The following ADGRL2 variants were observed in gnomAD, a reference collection of about 807,000 sequenced individuals.
The protein encoded by ADGRL2 is calcium-independent alpha-latrotoxin receptor 2.
A neutral mutation model predicts 157.4 loss-of-function variants in ADGRL2; 44 were observed. That is an observed-to-expected ratio of 0.28 (90% CI 0.22 to 0.36). The LOEUF (loss-of-function observed/expected upper bound fraction) is 0.36. Among genes scored for constraint, ADGRL2 ranks in the 10% least tolerant of loss-of-function variants. The probability of loss-of-function intolerance (pLI) is 1.00; values close to 1 mark genes in which losing one functional copy is unlikely to be tolerated. For synonymous variants in ADGRL2, 585 were observed against 624.7 expected, an observed-to-expected ratio of 0.94 and a Z score of 0.95; for missense variants, 1,510 against 1,768.9, an observed-to-expected ratio of 0.85 and a Z score of 2.63.
At chr1:81,780,185 A>G (rs1181661555) in intron 2 of ADGRL2, among the ~76,000 whole-genome samples, 1 of 152,232 alleles carries the variant, frequency 6.6e-6, no homozygotes, top group African/African-American at 2.4e-5. Flanking sequence ...CAAGGACTAT[A>G]TACCTGCCTT....
chr1:81,879,514 TTA>T (rs1491327350), intron 2 of ADGRL2, among the ~76,000 whole-genome samples: 905 of 41,398 alleles, frequency 0.022, 7 homozygotes, highest in African/African-American at 0.064. Context: ...AACCCAGAAT[TTA>T]AAAAAAAAAA....
At chr1:81,975,402 G>GA (rs958962124) in intron 17 of ADGRL2, among the ~76,000 whole-genome samples, 21 of 151,968 alleles carry the variant, frequency 1.4e-4, no homozygotes, top group African/African-American at 5.1e-4. Flanking sequence ...ACACTGAAAA[G>GA]AAAAAACAAA....
intron 3 of ADGRL2, among the ~76,000 whole-genome samples, chr1:81,628,515 AT>A (rs908078829): frequency 2.0e-5 from 3 of 152,080 alleles, no homozygotes; most frequent in South Asian, 2.1e-4. Flanking sequence ...ACGTTAACAT[AT>A]TTTTTTTCTC....
At chr1:81,432,623 G>A in intron 1 of ADGRL2, among the ~76,000 whole-genome samples, 1 of 152,150 alleles carries the variant, frequency 6.6e-6, no homozygotes, top group East Asian at 1.9e-4. Flanking sequence ...TTGGGTCTAT[G>A]AATTAAGTAT....
intron 1 of ADGRL2, among the ~76,000 whole-genome samples, chr1:81,382,296 C>T (rs1202399937): frequency 6.6e-6 from 1 of 152,064 alleles, no homozygotes; most frequent in East Asian, 1.9e-4. Flanking sequence ...TTAAAAATCA[C>T]CCAGATTGAA....
chr1:81,871,535 G>T (rs2093694432), intron 2 of ADGRL2, among the ~76,000 whole-genome samples: 1 of 152,130 alleles, frequency 6.6e-6, no homozygotes, highest in Non-Finnish European at 1.5e-5. Context: ...GGTTGAACTA[G>T]TTTACAGTCC....
In ADGRL2 at chr1:81,353,496, C is replaced by A. The variant is rs112578754; in HGVS notation, c.-302+46987C>A. Among the ~76,000 whole-genome samples, 67 of 152,156 alleles carry A rather than the reference C, an allele frequency of 4.4e-4. 1 individual carries two copies. Among genetic ancestry groups the A allele is most frequent in the African/African-American group, 1.6e-3 (66 of 41,498 alleles). Reference sequence around the variant, plus strand: ...TGCAGATTCAGGGGCTCCACTACGGCTGCAAATGAGAATTTCAGGGATGAT... The same window carrying A: ...TGCAGATTCAGGGGCTCCACTACGGATGCAAATGAGAATTTCAGGGATGAT... On this transcript the variant is annotated intron_variant, in intron 1 of 24. Coordinates refer to the ADGRL2 transcript ENST00000370721.
intron 3 of ADGRL2, among the ~76,000 whole-genome samples, chr1:81,912,232 C>T (rs114779520): frequency 0.023 from 3,538 of 151,676 alleles, 134 homozygotes; most frequent in African/African-American, 0.079. Flanking sequence ...CCACTGTGCC[C>T]GGCTAATTTT....
chr1:81,858,705 A>G (rs2093288428), intron 2 of ADGRL2, among the ~76,000 whole-genome samples: 1 of 152,136 alleles, frequency 6.6e-6, no homozygotes, highest in South Asian at 2.1e-4. Context: ...AAAATTTAGC[A>G]CACTCTAAAA....
intron 2 of ADGRL2, among the ~76,000 whole-genome samples, chr1:81,455,631 G>A (rs2077789509): frequency 6.6e-6 from 1 of 152,210 alleles, no homozygotes; most frequent in South Asian, 2.1e-4. Flanking sequence ...CCCTGTAGGA[G>A]TTGAAGAAGT....
At chr1:81,319,461 G>A (rs1660352711) in intron 1 of ADGRL2, among the ~76,000 whole-genome samples, 1 of 151,986 alleles carries the variant, frequency 6.6e-6, no homozygotes, top group Non-Finnish European at 1.5e-5. Flanking sequence ...GAAATATGCA[G>A]ATTTCTCATC....
chr1:81,890,773 A>G (rs1038994003), intron 2 of ADGRL2, among the ~76,000 whole-genome samples: 1 of 152,144 alleles, frequency 6.6e-6, no homozygotes, highest in East Asian at 1.9e-4. Context: ...ATGTTCACCT[A>G]GGTCTACAGT....
intron 2 of ADGRL2, among the ~76,000 whole-genome samples, chr1:81,564,223 C>T (rs1232812641): frequency 6.6e-6 from 1 of 152,126 alleles, no homozygotes; most frequent in African/African-American, 2.4e-5. Flanking sequence ...GTACTAGTGA[C>T]ACATAGCTGT....
At chr1:81,894,584 A>G (rs181414496) in intron 2 of ADGRL2, among the ~76,000 whole-genome samples, 65 of 152,306 alleles carry the variant, frequency 4.3e-4, no homozygotes, top group South Asian at 8.3e-4. Context: ...AGTAGTGACA[A>G]TGTATATTTT....
intron 1 of ADGRL2, among the ~76,000 whole-genome samples, chr1:81,386,062 C>T (rs1160394777): frequency 6.6e-6 from 1 of 151,934 alleles, no homozygotes. Flanking sequence ...GTTTAAATAG[C>T]GCAATCTATT....
At chr1:81,891,341 T>G (rs2094258725) in intron 2 of ADGRL2, among the ~76,000 whole-genome samples, 1 of 152,084 alleles carries the variant, frequency 6.6e-6, no homozygotes, top group South Asian at 2.1e-4. Flanking sequence ...ATTCATAAAT[T>G]TTATCTAAAT....
At chr1:81,511,565 C>A (rs900611115) in intron 2 of ADGRL2, among the ~76,000 whole-genome samples, 1 of 151,988 alleles carries the variant, frequency 6.6e-6, no homozygotes, top group Non-Finnish European at 1.5e-5. Flanking sequence ...TAACTTGCAC[C>A]TTTATTTTCT....
intron 1 of ADGRL2, among the ~76,000 whole-genome samples, chr1:81,825,681 A>G (rs1157493280): frequency 1.4e-5 from 2 of 146,026 alleles, no homozygotes; most frequent in African/African-American, 2.5e-5. Context: ...AAAAAAAGAC[A>G]TACTAGATTT....
chr1:81,631,016 A>C (rs901301479), intron 3 of ADGRL2, among the ~76,000 whole-genome samples: 4 of 152,144 alleles, frequency 2.6e-5, no homozygotes, highest in Non-Finnish European at 4.4e-5. Context: ...ATTAATACTA[A>C]AGAACAGTGA....
Sources: gnomAD v4.1 joint callset for allele counts (sites outside exome capture counted in the v4.1 genomes callset) on GRCh38, gnomAD v4.1.1 for gene constraint, MANE v1.5 for transcripts, NCBI Gene and HGNC (gene_info 2026-07-23, HGNC 2026-07-21) for gene names.